The following RB1 variants were observed in gnomAD, a reference collection of about 807,000 sequenced individuals.
RB1 encodes the protein retinoblastoma-associated protein.
In RB1, 18 loss-of-function variants were observed where a neutral mutation model predicts 135.4. The ratio of observed to expected loss-of-function variants is 0.13; its 90% CI spans 0.09 to 0.20. The LOEUF is 0.20. RB1 is among the 10% of genes least tolerant of loss of function. The pLI, the probability that RB1 is intolerant of heterozygous loss-of-function variation, is 1.00. For synonymous variants in RB1, 365 were observed against 373.2 expected (o/e 0.98, Z 0.25); for missense variants, 868 against 1,110.0 (o/e 0.78, Z 3.10).
At chr13:48,337,070 T>G (rs906948819) in intron 2 of RB1, among the ~76,000 whole-genome samples, 4 of 152,200 alleles carry the variant, frequency 2.6e-5, no homozygotes, top group Non-Finnish European at 5.9e-5. Context: ...TTTCTTTTCT[T>G]TTACATTTGC....
intron 18 of RB1, among the ~76,000 whole-genome samples, chr13:48,455,305 A>C (rs1949353394): frequency 6.6e-6 from 1 of 152,208 alleles, no homozygotes; most frequent in Non-Finnish European, 1.5e-5. Context: ...CTGAGATTCG[A>C]GTAGTTATAT....
chr13:48,372,455 C>A (rs147374623), intron 11 of RB1, among the ~76,000 whole-genome samples: 8 of 151,886 alleles, frequency 5.3e-5, no homozygotes, highest in African/African-American at 1.9e-4. Context: ...GACAGGAGTT[C>A]GAAACCAGCC....
chr13:48,362,896 T>C lies in RB1; in HGVS notation c.800T>C (p.Leu267Pro), dbSNP rs2138112534. 4 of 1,613,824 alleles carry C rather than the reference T, an allele frequency of 2.5e-6. No homozygotes were observed. Among genetic ancestry groups the C allele is most frequent in the Non-Finnish European group, 3.4e-6 (4 of 1,179,852 alleles). Residue 267 changes from leucine to proline, a missense_variant, in exon 8 of 27, where the codon CTA becomes CCA. By Grantham distance (98) the Leu-to-Pro change is moderately conservative. Transcript: ENST00000267163. ...QNRSARIAKQ[L>P]ENDTRIIEVL... The stretch of plus-strand genomic sequence containing the variant: ...AGGAGTGCACGGATAGCAAAACAAC[T>C]AGAAAATGATACAAGAATTATTGAA...
chr13:48,305,994 G>T (rs574177555), intron 1 of RB1, among the ~76,000 whole-genome samples: 1 of 152,358 alleles, frequency 6.6e-6, no homozygotes, highest in South Asian at 2.1e-4. Context: ...TTCGAGCTGG[G>T]TGTGATGGCG....
chr13:48,448,604 A>G (rs1949305460), intron 17 of RB1, among the ~76,000 whole-genome samples: 2 of 152,266 alleles, frequency 1.3e-5, no homozygotes, highest in African/African-American at 4.8e-5. Flanking sequence ...CAGCTTATCA[A>G]GTACCTACTT....
chr13:48,363,061 AT>A (rs1244858033), intron 8 of RB1, 104 bp downstream of exon 8: 7 of 1,404,066 alleles, frequency 5.0e-6, no homozygotes, highest in Non-Finnish European at 6.9e-6. Flanking sequence ...TTTTTTTGTA[AT>A]TAGTGCTAAC....
chr13:48,386,521 C>T (rs1464121615), intron 17 of RB1, among the ~76,000 whole-genome samples: 5 of 152,064 alleles, frequency 3.3e-5, no homozygotes, highest in Non-Finnish European at 4.4e-5. Flanking sequence ...TCACTCTTTT[C>T]GTGAAACACA....
At chr13:48,425,245 G>A (rs1240069597) in intron 17 of RB1, among the ~76,000 whole-genome samples, 1 of 152,176 alleles carries the variant, frequency 6.6e-6, no homozygotes, top group Non-Finnish European at 1.5e-5. Context: ...GAAGGCTAGA[G>A]CCATTCCTGG....
chr13:48,307,645 A>C (rs1410437772), intron 2 of RB1, among the ~76,000 whole-genome samples: 1 of 146,902 alleles, frequency 6.8e-6, no homozygotes, highest in Non-Finnish European at 1.5e-5. Context: ...GCCTGAGCTC[A>C]GGAGTTCGAG....
At chr13:48,398,504 T>C (rs1376135886) in intron 17 of RB1, among the ~76,000 whole-genome samples, 1 of 151,960 alleles carries the variant, frequency 6.6e-6, no homozygotes, top group Non-Finnish European at 1.5e-5. Context: ...AATAGTTTGA[T>C]AGAGTCCTGT....
chr13:48,344,721 T>C (rs867367683), intron 3 of RB1, among the ~76,000 whole-genome samples: 1 of 152,058 alleles, frequency 6.6e-6, no homozygotes, highest in Non-Finnish European at 1.5e-5. Context: ...GTTACAAATA[T>C]AGAAAGGGAA....
At position 48,406,048 on chromosome 13, in the gene RB1, AGGT is replaced by A. The variant is rs140885900; in HGVS notation, c.1695+24609_1695+24611del. On this transcript the variant is annotated intron_variant, in intron 17 of 26. Transcript: ENST00000267163. ...ACTAGTTTTCTATGATTGGACATCT[AGGT>A]GGTTTCCAGTATTTTGCAATTTCAA... Among the ~76,000 whole-genome samples, 1,395 of 152,162 alleles carry A rather than the reference AGGT, an allele frequency of 9.2e-3. 21 individuals carry two copies. Among genetic ancestry groups the A allele is most frequent in the African/African-American group, 0.032 (1,329 of 41,504 alleles).
chr13:48,375,107 A>T (rs1424488393), intron 12 of RB1, among the ~76,000 whole-genome samples: 2 of 152,128 alleles, frequency 1.3e-5, no homozygotes, highest in Non-Finnish European at 2.9e-5. Flanking sequence ...TCTTTATCCA[A>T]TCCACCACTG....
At chr13:48,352,798 C>T (rs769882673) in intron 6 of RB1, among the ~76,000 whole-genome samples, 3 of 152,184 alleles carry the variant, frequency 2.0e-5, no homozygotes, top group Non-Finnish European at 4.4e-5. Context: ...TGTCATCTGC[C>T]ACAGAGATAG....
At chr13:48,412,824 C>G in intron 17 of RB1, 1 of 221,544 alleles carries the variant, frequency 4.5e-6, no homozygotes. Flanking sequence ...AAGATGAATA[C>G]TCCAAAGTTA....
intron 17 of RB1, chr13:48,411,943 C>G: frequency 6.2e-7 from 1 of 1,612,396 alleles, no homozygotes; most frequent in Non-Finnish European, 8.5e-7. Flanking sequence ...GCATTGTTAC[C>G]CTGAGAGTGG....
At chr13:48,363,183 A>G (rs1448054829) in intron 8 of RB1, among the ~76,000 whole-genome samples, 1 of 151,742 alleles carries the variant, frequency 6.6e-6, no homozygotes. Context: ...TATATAATCA[A>G]GACAATAGTT....
chr13:48,402,550 T>C (rs1459355118), intron 17 of RB1, among the ~76,000 whole-genome samples: 2 of 151,916 alleles, frequency 1.3e-5, no homozygotes, highest in Non-Finnish European at 2.9e-5. Flanking sequence ...GCTAATTTTT[T>C]TTATTCTTTG....
chr13:48,394,295 G>A (rs1474422094), intron 17 of RB1, among the ~76,000 whole-genome samples: 2 of 152,168 alleles, frequency 1.3e-5, no homozygotes, highest in African/African-American at 4.8e-5. Flanking sequence ...CACCACCAGG[G>A]CCCTGGGTTT....
Sources: gnomAD v4.1 joint callset for allele counts (sites outside exome capture counted in the v4.1 genomes callset) on GRCh38, gnomAD v4.1.1 for gene constraint, MANE v1.5 for transcripts, NCBI Gene and HGNC (gene_info 2026-07-23, HGNC 2026-07-21) for gene names.